SGCZ: variants seen among roughly 807,000 people sequenced by gnomAD.
The protein encoded by SGCZ is sarcoglycan zeta.
A neutral mutation model predicts 41.3 loss-of-function variants in SGCZ; 40 were observed. The ratio of observed to expected loss-of-function variants is 0.97; its 90% CI spans 0.75 to 1.26. SGCZ has a LOEUF of 1.26. SGCZ is among the 50% of genes most tolerant of loss of function. SGCZ has a pLI of 0.00. For missense variants in SGCZ, 552 were observed against 369.8 expected, an observed-to-expected ratio of 1.49 and a Z score of -4.04; for synonymous variants, 206 against 137.5, an observed-to-expected ratio of 1.50 and a Z score of -3.49.
chr8:14,850,228 T>C (rs528443227), intron 1 of SGCZ, among the ~76,000 whole-genome samples: 1 of 152,224 alleles, frequency 6.6e-6, no homozygotes, highest in South Asian at 2.1e-4. Flanking sequence ...CAAATGTTCA[T>C]TCAATAACAA....
At chr8:14,347,553 AT>A (rs149405329) in intron 2 of SGCZ, among the ~76,000 whole-genome samples, 17,606 of 151,502 alleles carry the variant, frequency 0.12, 1,352 homozygotes, top group East Asian at 0.27. Context: ...TTTGTATTTA[AT>A]TTTTTTCTCC....
intron 2 of SGCZ, among the ~76,000 whole-genome samples, chr8:14,381,473 A>C (rs1172996753): frequency 6.6e-6 from 1 of 152,026 alleles, no homozygotes; most frequent in East Asian, 1.9e-4. Flanking sequence ...TACTTCCAAA[A>C]CATATTAAAG....
chr8:14,481,324 C>G (rs956185780), intron 2 of SGCZ, among the ~76,000 whole-genome samples: 9 of 152,060 alleles, frequency 5.9e-5, no homozygotes, highest in African/African-American at 2.2e-4. Flanking sequence ...ACAAAGGAGA[C>G]TCATACATGA....
chr8:15,204,164 T>A (rs1481207986), intron 1 of SGCZ, among the ~76,000 whole-genome samples: 2 of 152,200 alleles, frequency 1.3e-5, no homozygotes, highest in African/African-American at 4.8e-5. Context: ...GAACTCTGTA[T>A]ATCCAATGGT....
chr8:15,104,914 A>G (rs923870015), intron 1 of SGCZ, among the ~76,000 whole-genome samples: 1 of 152,230 alleles, frequency 6.6e-6, no homozygotes, highest in South Asian at 2.1e-4. Flanking sequence ...ACAGGGTATG[A>G]ACAATTTTTG....
At chr8:15,107,966 A>G (rs1806894592) in intron 1 of SGCZ, among the ~76,000 whole-genome samples, 1 of 152,122 alleles carries the variant, frequency 6.6e-6, no homozygotes, top group Admixed American at 6.6e-5. Context: ...AATTCACCCT[A>G]CAGTTGTAGT....
At chr8:14,240,631 C>A (rs948156708) in intron 3 of SGCZ, among the ~76,000 whole-genome samples, 7 of 152,078 alleles carry the variant, frequency 4.6e-5, no homozygotes, top group Non-Finnish European at 8.8e-5. Flanking sequence ...CTATGAACAT[C>A]AATATAGTAT....
At chr8:14,476,938 CA>C (rs1472887422) in intron 2 of SGCZ, among the ~76,000 whole-genome samples, 2 of 152,112 alleles carry the variant, frequency 1.3e-5, no homozygotes, top group African/African-American at 4.8e-5. Context: ...TTGTGCTTTC[CA>C]AAAGGTACAA....
intron 1 of SGCZ, among the ~76,000 whole-genome samples, chr8:15,060,467 A>G (rs1420989547): frequency 7.1e-6 from 1 of 141,620 alleles, no homozygotes; most frequent in Non-Finnish European, 1.5e-5. Context: ...GGAATTGAAC[A>G]ATGAGAACAC....
chr8:14,563,819 T>C (rs1804278360), intron 1 of SGCZ, among the ~76,000 whole-genome samples: 1 of 152,168 alleles, frequency 6.6e-6, no homozygotes, highest in Admixed American at 6.5e-5. Flanking sequence ...TATCACTAAG[T>C]AGTCAAAAGA....
intron 2 of SGCZ, among the ~76,000 whole-genome samples, chr8:14,523,504 C>T (rs1326274113): frequency 6.6e-6 from 1 of 151,996 alleles, no homozygotes; most frequent in African/African-American, 2.4e-5. Context: ...TTCTCCTGGT[C>T]GTGACGGTTT....
chr8:14,416,083 T>C (rs1394205062), intron 2 of SGCZ, among the ~76,000 whole-genome samples: 3 of 151,960 alleles, frequency 2.0e-5, no homozygotes, highest in Non-Finnish European at 4.4e-5. Context: ...GGAGACTCCA[T>C]AGCATGTCTA....
At chr8:15,013,322 T>A (rs923962732) in intron 1 of SGCZ, among the ~76,000 whole-genome samples, 1 of 152,154 alleles carries the variant, frequency 6.6e-6, no homozygotes, top group African/African-American at 2.4e-5. Flanking sequence ...ATGACCTGGA[T>A]AATGGAATCA....
At chr8:14,543,725 T>C (rs1803538196) in intron 2 of SGCZ, among the ~76,000 whole-genome samples, 1 of 152,134 alleles carries the variant, frequency 6.6e-6, no homozygotes, top group Non-Finnish European at 1.5e-5. Context: ...GCAAGATCTT[T>C]AAAATTATCA....
At position 14,310,946 on chromosome 8, in the gene SGCZ, C is replaced by T. The variant is rs113034244; in HGVS notation, c.336+13157G>A. ...ATAAAATATCCATGTCTGTGTACCC[C>T]GTGGAAAATCTTGGAACACACTTAA... On this transcript the variant is annotated intron_variant, in intron 3 of 7. Transcript: ENST00000382080. Among the ~76,000 whole-genome samples, 14 of 152,144 alleles carry T rather than the reference C, an allele frequency of 9.2e-5. 1 individual carries two copies. The highest frequency in any genetic ancestry group is 1.7e-4 in the African/African-American group (7 of 41,554).
intron 1 of SGCZ, among the ~76,000 whole-genome samples, chr8:14,852,200 T>G (rs6981834): frequency 6.6e-6 from 1 of 152,164 alleles, no homozygotes; most frequent in Non-Finnish European, 1.5e-5. Context: ...GCAATATTTT[T>G]TCAGTGATAC....
chr8:14,300,395 G>A (rs1265581189), intron 3 of SGCZ, among the ~76,000 whole-genome samples: 2 of 151,600 alleles, frequency 1.3e-5, no homozygotes, highest in Non-Finnish European at 3.0e-5. Context: ...AATGAGGAAG[G>A]GAAGAATTTA....
chr8:14,306,348 T>C (rs1045216009), intron 3 of SGCZ, among the ~76,000 whole-genome samples: 3 of 152,234 alleles, frequency 2.0e-5, no homozygotes, highest in Non-Finnish European at 4.4e-5. Flanking sequence ...ACTCATTAAT[T>C]TTGAAATAAC....
chr8:14,406,215 G>C (rs934540469), intron 2 of SGCZ, among the ~76,000 whole-genome samples: 5 of 152,082 alleles, frequency 3.3e-5, no homozygotes, highest in African/African-American at 1.2e-4. Flanking sequence ...GTCTTTGCAA[G>C]ACTGGTTCCA....
Sources: allele counts gnomAD v4.1 joint callset (sites outside exome capture counted in the v4.1 genomes callset), GRCh38; gene constraint gnomAD v4.1.1; transcripts MANE v1.5; gene names NCBI Gene and HGNC (gene_info 2026-07-23, HGNC 2026-07-21).